The following LRP2BP variants were observed in gnomAD, a reference collection of about 807,000 sequenced individuals.
The protein encoded by LRP2BP is LRP2 binding protein.
Under a neutral mutation model 45.2 loss-of-function variants are expected in LRP2BP, and 38 were observed. The ratio of observed to expected loss-of-function variants is 0.84; its 90% CI spans 0.65 to 1.10. The LOEUF (loss-of-function observed/expected upper bound fraction) is 1.10, where lower values mean the gene tolerates loss of function less well. Among genes scored for constraint, LRP2BP ranks in the 50% least tolerant of loss-of-function variants. LRP2BP has a pLI of 0.00. For synonymous variants in LRP2BP, 153 were observed against 153.9 expected, an observed-to-expected ratio of 0.99 and a Z score of 0.04; for missense variants, 385 against 418.9, an observed-to-expected ratio of 0.92 and a Z score of 0.71.
intron 1 of LRP2BP, among the ~76,000 whole-genome samples, chr4:185,386,352 A>G (rs1293337709): frequency 6.6e-6 from 1 of 152,246 alleles, no homozygotes; most frequent in Non-Finnish European, 1.5e-5. Flanking sequence ...ACACTGGGCA[A>G]GGAATGCTCA....
intron 8 of LRP2BP, 29 bp downstream of exon 8, chr4:185,370,611 G>A: frequency 6.2e-7 from 1 of 1,603,890 alleles, no homozygotes; most frequent in Non-Finnish European, 8.5e-7. Context: ...TTCTCTTTGG[G>A]TGAATTTATA....
intron 1 of LRP2BP, among the ~76,000 whole-genome samples, chr4:185,382,514 C>T (rs1028706547): frequency 6.6e-6 from 1 of 152,208 alleles, no homozygotes; most frequent in African/African-American, 2.4e-5. Flanking sequence ...TCCTCACCAA[C>T]ACCTGTTGTT....
At position 185,371,884 on chromosome 4, in the gene LRP2BP, AG is replaced by A. The variant is rs2126789582; in HGVS notation, c.803+971del. On this transcript the variant is annotated intron_variant, in intron 7 of 8. Transcript: ENST00000505916. Reference sequence around the variant, plus strand: ...GACTGCCCTGAGCTAGGGCTCGGAGAGGGGGGAGACCTGGCGCTGTGGGAAG... The same window carrying A: ...GACTGCCCTGAGCTAGGGCTCGGAGAGGGGGAGACCTGGCGCTGTGGGAAG... Among the ~76,000 whole-genome samples, 4 of 151,990 alleles carry A rather than the reference AG, an allele frequency of 2.6e-5. No individual in the cohort carries two copies. In the South Asian group the frequency reaches 8.3e-4, roughly 32 times the overall value.
In LRP2BP at chr4:185,365,307, G is replaced by C. The variant is rs1362869054; in HGVS notation, c.*1873C>G. The C allele has an allele frequency of 6.6e-6, 1 of 152,028 alleles. No homozygotes were observed. The highest frequency in any genetic ancestry group is 1.5e-5 in the Non-Finnish European group (1 of 68,006). The allele number at this position is 152,028 out of a possible 1,614,324, so 9.4% of individuals were successfully genotyped here. A position where few individuals can be genotyped will look rare whatever the true frequency, so the allele number is the denominator to read the frequency against. On this transcript the variant is annotated 3_prime_UTR_variant, in exon 9 of 9. Transcript: ENST00000505916. Reference sequence around the variant, plus strand: ...CCCATCTTTAATGGCAGTTTAAAAAGTGCTCTTTACTTAGGGCCGATCTTT... The same window carrying C: ...CCCATCTTTAATGGCAGTTTAAAAACTGCTCTTTACTTAGGGCCGATCTTT...
chr4:185,374,148 T>C lies in LRP2BP; in HGVS notation c.566A>G (p.Lys189Arg). The C allele has an allele frequency of 6.2e-7, 1 of 1,614,030 alleles. No individual in the cohort carries two copies. Among genetic ancestry groups the C allele is most frequent in the Non-Finnish European group, 8.5e-7 (1 of 1,179,878 alleles). ...AGGGAACGTTACCTTTTCTAACTCCTTGGGCTCCTTGGTTGAGTAATACAG... is the reference window on the plus strand; with the variant it reads ...AGGGAACGTTACCTTTTCTAACTCCCTGGGCTCCTTGGTTGAGTAATACAG... ...LGLYYSTKEPKELEKAFYWHS... is the reference protein window; with the variant it reads ...LGLYYSTKEPRELEKAFYWHS... The change falls in exon 6 of 9, where the codon AAG becomes AGG. Residue 189 changes from lysine to arginine, a missense_variant. Transcript: ENST00000505916.
In LRP2BP at chr4:185,394,830, G is replaced by A. The variant is rs182702721; in HGVS notation, c.-73C>T. 2.0e-6 allele frequency: 2 copies of A among 985,268 alleles called. No individual in the cohort carries two copies. The highest frequency in any genetic ancestry group is 6.1e-5 in the Admixed American group (1 of 16,274). The allele number at this position is 985,268 out of a possible 1,614,324, so 61.0% of individuals were successfully genotyped here. ...TCGCTGTAAATGGCATCCTCGTTCT[G>A]GAAACGCATCTACCAGCAATTAAAA... On this transcript the variant is annotated 5_prime_UTR_variant, in exon 1 of 9. The change creates a premature stop within an existing upstream ORF in the 5' untranslated region. Transcript: ENST00000505916.
chr4:185,375,514 ATG>A lies in LRP2BP; in HGVS notation c.330+97_330+98del, dbSNP rs370864458. 4.4e-3 allele frequency: 385 copies of A among 86,768 alleles called. 9 individuals are homozygous for A. The highest frequency in any genetic ancestry group is 0.015 in the South Asian group (31 of 2,078). 5.4% of individuals were successfully genotyped at this position (86,768 alleles called of 1,614,324 possible). A position where few individuals can be genotyped will look rare whatever the true frequency, so the allele number is the denominator to read the frequency against. On this transcript the variant is annotated intron_variant, in intron 4 of 8. Coordinates refer to ENST00000505916, the MANE Select transcript of LRP2BP (RefSeq NM_001377440.1). ...TATATATATATATATATATATATAT[ATG>A]TATATATATATGTATTAAAATATAA...
chr4:185,382,991 G>A (rs6552878), intron 1 of LRP2BP, among the ~76,000 whole-genome samples: 148,539 of 152,328 alleles, frequency 0.98, 72,440 homozygotes, highest in East Asian at 1. Context: ...TTCATTCTGT[G>A]TATGAGGGAA....
chr4:185,379,557 AAAG>A lies in LRP2BP; in HGVS notation c.-21-1353_-21-1351del, dbSNP rs546723353. On this transcript the variant is annotated intron_variant, in intron 1 of 8. Transcript: ENST00000505916. ...ACATGGTTTTTGCTGCTGTAGCTTA[AAAG>A]AAGTTTTGGAGATGTTTGGAAAACT... is the stretch of plus-strand genomic sequence containing the variant. Among the ~76,000 whole-genome samples, 1,244 of 152,326 alleles carry A rather than the reference AAAG, an allele frequency of 8.2e-3. 5 individuals carry two copies. Among genetic ancestry groups the A allele is most frequent in the Non-Finnish European group, 0.014 (969 of 68,024 alleles).
In LRP2BP at chr4:185,395,066, G is replaced by A. The variant is rs555955257; in HGVS notation, c.-309C>T. ...TTTCTAGGCCCATTACTAAAGTCAA[G>A]TCAGATATCCAGCTGAGATACAACT... On this transcript the variant is annotated 5_prime_UTR_variant, in exon 1 of 9. Transcript: ENST00000505916. 8 of 980,908 alleles carry A rather than the reference G, an allele frequency of 8.2e-6. No homozygotes were observed. Among genetic ancestry groups the A allele is most frequent in the Non-Finnish European group, 9.7e-6 (8 of 828,916 alleles). The allele number at this position is 980,908 out of a possible 1,614,324, so 60.8% of individuals were successfully genotyped here.
intron 1 of LRP2BP, among the ~76,000 whole-genome samples, chr4:185,379,869 A>C (rs2095450590): frequency 6.6e-6 from 1 of 152,160 alleles, no homozygotes; most frequent in Non-Finnish European, 1.5e-5. Context: ...CCAGGCTAGA[A>C]GAGTGCATTG....
In LRP2BP at chr4:185,395,531, C is replaced by T; in HGVS notation, c.-774G>A. ...TATCTCTACACTGCCGTTCTTTAAA[C>T]ATCATTAAAAGATATTGTGAATAGT... On this transcript the variant is annotated 5_prime_UTR_variant, in exon 1 of 9. It removes an upstream start codon present in the reference 5' UTR. Transcript: ENST00000505916. 2 of 984,660 alleles carry T rather than the reference C, an allele frequency of 2.0e-6. No homozygotes were observed. The highest frequency in any genetic ancestry group is 2.4e-6 in the Non-Finnish European group (2 of 829,262). 61.0% of individuals were successfully genotyped at this position (984,660 alleles called of 1,614,324 possible). A position where few individuals can be genotyped will look rare whatever the true frequency, so the allele number is the denominator to read the frequency against.
chr4:185,393,180 C>T (rs760884178), intron 1 of LRP2BP, among the ~76,000 whole-genome samples: 2 of 152,252 alleles, frequency 1.3e-5, no homozygotes, highest in Non-Finnish European at 2.9e-5. Context: ...ATCTGCCTGC[C>T]TCAGCCTCCC....
rs746860044 is a variant in LRP2BP, at chr4:185,373,006, A to C, written c.653T>G (p.Leu218Trp). 5 of 1,613,850 alleles carry C rather than the reference A, an allele frequency of 3.1e-6. No homozygotes were observed. The highest frequency in any genetic ancestry group is 3.4e-6 in the Non-Finnish European group (4 of 1,179,786). The change falls in exon 7 of 9, where the codon TTG becomes TGG. Residue 218 changes from leucine (L) to tryptophan (W), a missense_variant. Transcript: ENST00000505916. ...ATCCTGCCGGATGCCTTGTCCATACAAGTACATGAGCCCAAGTGCACCCTG... is the reference window on the plus strand; with the variant it reads ...ATCCTGCCGGATGCCTTGTCCATACCAGTACATGAGCCCAAGTGCACCCTG... ...ESQGALGLMY[L>W]YGQGIRQDTE...
rs140722366 is a variant in LRP2BP at position 185,385,578 on chromosome 4, C to T, written c.-21-7371G>A. On this transcript the variant is annotated intron_variant, in intron 1 of 8. Coordinates refer to ENST00000505916, the MANE Select transcript of LRP2BP (RefSeq NM_001377440.1). ...TTAACGTTGCTTGTCACCCCACCTCCCCATGTCCTTGGACAAACTGAATGT... is the reference window on the plus strand; with the variant it reads ...TTAACGTTGCTTGTCACCCCACCTCTCCATGTCCTTGGACAAACTGAATGT... Among the ~76,000 whole-genome samples, 844 of 152,228 alleles carry T rather than the reference C, an allele frequency of 5.5e-3. 11 individuals carry two copies. The highest frequency in any genetic ancestry group is 0.019 in the African/African-American group (792 of 41,520).
rs754151247 is a variant in LRP2BP, at chr4:185,375,760, A to G, written c.217-34T>C. On this transcript the variant is annotated intron_variant, in intron 3 of 8. Transcript: ENST00000505916. ...ACCCAGAAGATATTTAATTATTTTT[A>G]TTATGATCTTAAAGTAATCCCAAAG... The G allele has an allele frequency of 3.5e-6, 5 of 1,435,952 alleles. No individual in the cohort carries two copies. In the East Asian group the frequency reaches 1.2e-4, roughly 34 times the overall value. The allele number at this position is 1,435,952 out of a possible 1,614,324, so 89.0% of individuals were successfully genotyped here.
In LRP2BP at chr4:185,373,055, A is replaced by C. The variant is rs202164058; in HGVS notation, c.604T>G (p.Cys202Gly). The change falls in exon 7 of 9, where the codon TGT becomes GGT. Residue 202 changes from cysteine (C) to glycine (G), a missense_variant. By Grantham distance (159) the Cys-to-Gly change is radical. Coordinates refer to ENST00000505916, the MANE Select transcript of LRP2BP (RefSeq NM_001377440.1). ...TGGGACTCCAGATTCCCATTGCCAC[A>C]TGCTTCGGAATGCCAGTAAAATGCC... Reference protein sequence around the residue: ...EKAFYWHSEACGNGNLESQGA... With the variant: ...EKAFYWHSEAGGNGNLESQGA... The C allele has an allele frequency of 1.4e-5, 22 of 1,607,418 alleles. No homozygotes were observed. In the East Asian group the frequency reaches 4.7e-4, roughly 34 times the overall value.
At chr4:185,374,891 C>T (rs1225209786) in intron 4 of LRP2BP, among the ~76,000 whole-genome samples, 3 of 152,046 alleles carry the variant, frequency 2.0e-5, no homozygotes, top group African/African-American at 2.4e-5. Context: ...TAACAAACAC[C>T]GTCTTCCATT....
intron 1 of LRP2BP, among the ~76,000 whole-genome samples, chr4:185,385,994 T>C (rs2095470791): frequency 6.6e-6 from 1 of 152,076 alleles, no homozygotes; most frequent in Admixed American, 6.5e-5. Flanking sequence ...GTTGTGTCTT[T>C]CTCAGGGAAG....
Sources: allele counts gnomAD v4.1 joint callset (sites outside exome capture counted in the v4.1 genomes callset), GRCh38; gene constraint gnomAD v4.1.1; transcripts MANE v1.5; gene names NCBI Gene and HGNC (gene_info 2026-07-23, HGNC 2026-07-21).